SLC6A11: variants seen among roughly 807,000 people sequenced by gnomAD.
The protein encoded by SLC6A11 is sodium- and chloride-dependent GABA transporter 3.
Under a neutral mutation model 74.8 loss-of-function variants are expected in SLC6A11, and 25 were observed. That is an observed-to-expected ratio of 0.33 (90% confidence interval 0.24 to 0.47). The LOEUF is 0.47. SLC6A11 is among the 20% of genes least tolerant of loss of function. SLC6A11 has a pLI of 1.00. For synonymous variants in SLC6A11, 330 were observed against 330.2 expected, an observed-to-expected ratio of 1.00 and a Z score of 0.01; for missense variants, 574 against 837.0, an observed-to-expected ratio of 0.69 and a Z score of 3.88.
At chr3:10,852,813 G>A (rs1299271178) in intron 5 of SLC6A11, among the ~76,000 whole-genome samples, 1 of 152,236 alleles carries the variant, frequency 6.6e-6, no homozygotes, top group Non-Finnish European at 1.5e-5. Flanking sequence ...AGCCAGAAAC[G>A]AGTGGGGAAT....
chr3:10,821,561 G>A (rs941778387), intron 3 of SLC6A11, among the ~76,000 whole-genome samples: 6 of 152,162 alleles, frequency 3.9e-5, no homozygotes, highest in African/African-American at 1.4e-4. Flanking sequence ...TTACATGTCA[G>A]TTTCATTTTT....
chr3:10,835,804 T>TCCCC (rs1559555383), intron 4 of SLC6A11, among the ~76,000 whole-genome samples: 2 of 152,204 alleles, frequency 1.3e-5, no homozygotes, highest in Non-Finnish European at 2.9e-5. Flanking sequence ...TGCAGGATGT[T>TCCCC]AGGAAGTATT....
Position 10,935,086 on chromosome 3 carries a change from A to G in SLC6A11, c.1633A>G (p.Thr545Ala). The G allele has an allele frequency of 6.2e-7, 1 of 1,613,732 alleles. No homozygotes were observed. Among genetic ancestry groups the G allele is most frequent in the Non-Finnish European group, 8.5e-7 (1 of 1,179,892 alleles). ...GCCACTCAAGTACAACAACATCTAC[A>G]CCTACCCAGCCTGGGGCTATGGCAT... ...YKPLKYNNIY[T>A]YPAWGYGIGW... Residue 545 changes from threonine (T) to alanine (A), a missense_variant, in exon 13 of 14, where the codon ACC (threonine) becomes GCC (alanine). This residue lies in a region of SLC6A11 where 257 missense variants were observed against 341.5 expected (regional missense o/e 0.75). Transcript: ENST00000254488.
Position 10,926,000 on chromosome 3 carries a change from C to T in SLC6A11, c.1121-4C>T. On this transcript the variant is annotated splice_polypyrimidine_tract_variant and splice_region_variant and intron_variant, in intron 8 of 13. Transcript: ENST00000254488. ...AGTGGCTTTCTCTCTCTCCCTCGCT[C>T]CAGGCCCCGGCCTGGCCTTTATTGC... 1 of 1,582,192 alleles carries T rather than the reference C, an allele frequency of 6.3e-7. No homozygotes were observed.
chr3:10,930,196 C>T (rs544551069), intron 10 of SLC6A11, among the ~76,000 whole-genome samples: 2 of 152,324 alleles, frequency 1.3e-5, no homozygotes, highest in Admixed American at 6.5e-5. Context: ...AACTCATATG[C>T]TGCCTCCTCC....
intron 3 of SLC6A11, among the ~76,000 whole-genome samples, chr3:10,822,574 G>C (rs1351594292): frequency 6.6e-6 from 1 of 152,162 alleles, no homozygotes; most frequent in African/African-American, 2.4e-5. Context: ...TTGAATTCTT[G>C]CTTTCTTAGA....
intron 4 of SLC6A11, among the ~76,000 whole-genome samples, chr3:10,833,744 A>G (rs1694328874): frequency 6.6e-6 from 1 of 152,228 alleles, no homozygotes; most frequent in South Asian, 2.1e-4. Flanking sequence ...TTGTTGTTAC[A>G]GCACTACTAG....
intron 5 of SLC6A11, among the ~76,000 whole-genome samples, chr3:10,852,542 G>T (rs1351097287): frequency 3.9e-5 from 6 of 152,250 alleles, no homozygotes; most frequent in African/African-American, 1.4e-4. Flanking sequence ...GCCCCCCAAA[G>T]TCCCAGTGAT....
chr3:10,864,251 A>G (rs1694737260), intron 5 of SLC6A11, among the ~76,000 whole-genome samples: 1 of 151,698 alleles, frequency 6.6e-6, no homozygotes, highest in South Asian at 2.1e-4. Context: ...AAAGAGTGAC[A>G]CTATTCCCTA....
Position 10,819,477 on chromosome 3 carries a change from T to G in SLC6A11, c.269T>G (p.Ile90Ser). The change falls in exon 2 of 14, where the codon ATT (isoleucine) becomes AGT (serine). Residue 90 changes from isoleucine (I) to serine (S), a missense_variant. Coordinates refer to ENST00000254488, the MANE Select transcript of SLC6A11 (RefSeq NM_014229.3). ...CYKNGGGAFL[I>S]PYVVFFICCG... ...TGCATCCTTACAGGGGCATTCCTGA[T>G]TCCCTACGTGGTGTTTTTTATTTGC... 1 of 1,613,210 alleles carries G rather than the reference T, an allele frequency of 6.2e-7. No individual in the cohort carries two copies. Among genetic ancestry groups the G allele is most frequent in the Non-Finnish European group, 8.5e-7 (1 of 1,179,798 alleles).
intron 4 of SLC6A11, chr3:10,824,246 C>A (rs771274528): frequency 3.9e-5 from 6 of 152,170 alleles, no homozygotes; most frequent in Non-Finnish European, 1.5e-5. Flanking sequence ...GGATCCCTTG[C>A]CCCAGGTATT....
intron 4 of SLC6A11, among the ~76,000 whole-genome samples, chr3:10,843,954 G>A (rs1273141108): frequency 6.6e-6 from 1 of 152,180 alleles, no homozygotes; most frequent in Non-Finnish European, 1.5e-5. Flanking sequence ...TCCTCCATCG[G>A]AGCCCTTTCC....
At chr3:10,829,656 C>A (rs149588379) in intron 4 of SLC6A11, among the ~76,000 whole-genome samples, 1 of 152,326 alleles carries the variant, frequency 6.6e-6, no homozygotes, top group Non-Finnish European at 1.5e-5. Flanking sequence ...AGAGCCTCTG[C>A]CTGCTCCTCT....
At chr3:10,907,288 A>G (rs1466038170) in intron 6 of SLC6A11, among the ~76,000 whole-genome samples, 1 of 152,168 alleles carries the variant, frequency 6.6e-6, no homozygotes, top group Non-Finnish European at 1.5e-5. Flanking sequence ...AATACAGACC[A>G]TGGATGATAT....
At chr3:10,865,507 CA>C (rs1694753070) in intron 5 of SLC6A11, among the ~76,000 whole-genome samples, 1 of 152,090 alleles carries the variant, frequency 6.6e-6, no homozygotes, top group Non-Finnish European at 1.5e-5. Context: ...ACTAAAAATA[CA>C]AAAAATTAGC....
In SLC6A11 at chr3:10,895,004, T is replaced by C. The variant is rs549552179; in HGVS notation, c.892-17086T>C. 9.8e-5 allele frequency among the ~76,000 whole-genome samples: 15 copies of C among 152,330 alleles called. No homozygotes were observed. In the South Asian group the frequency reaches 2.9e-3, roughly 29 times the overall value. Reference sequence around the variant, plus strand: ...TCATACAGATCTGGGATTGAGTCTTTCAGGTATCAGCTGAGTGATCCCCCA... The same window carrying C: ...TCATACAGATCTGGGATTGAGTCTTCCAGGTATCAGCTGAGTGATCCCCCA... On this transcript the variant is annotated intron_variant, in intron 6 of 13. Coordinates refer to ENST00000254488, the MANE Select transcript of SLC6A11 (RefSeq NM_014229.3).
intron 7 of SLC6A11, among the ~76,000 whole-genome samples, chr3:10,912,473 A>C (rs1695400271): frequency 6.6e-6 from 1 of 152,262 alleles, no homozygotes. Context: ...GTAAAGACGT[A>C]TTCCAGGATG....
At chr3:10,847,768 C>T (rs907564961) in intron 5 of SLC6A11, among the ~76,000 whole-genome samples, 8 of 152,144 alleles carry the variant, frequency 5.3e-5, no homozygotes, top group African/African-American at 1.9e-4. Flanking sequence ...CACTTTTGTT[C>T]CTGGTTATGA....
chr3:10,839,328 C>T (rs928066814), intron 4 of SLC6A11, among the ~76,000 whole-genome samples: 1 of 152,210 alleles, frequency 6.6e-6, no homozygotes, highest in Non-Finnish European at 1.5e-5. Context: ...CACCTCTCAT[C>T]TGCCCCTGAC....
Sources: gnomAD v4.1 joint callset for allele counts (sites outside exome capture counted in the v4.1 genomes callset) on GRCh38, gnomAD v4.1.1 for gene constraint, gnomAD v4.1.1 regional missense constraint, MANE v1.5 for transcripts, NCBI Gene and HGNC (gene_info 2026-07-23, HGNC 2026-07-21) for gene names.